Variants in EPHA3 observed in about 807,000 individuals in gnomAD.
EPHA3 encodes ephrin type-A receptor 3.
In EPHA3, 42 loss-of-function variants were observed where a neutral mutation model predicts 107.1. That is an observed-to-expected ratio of 0.39 (90% CI 0.31 to 0.51). The LOEUF (loss-of-function observed/expected upper bound fraction) is 0.51. Ranked by LOEUF, EPHA3 falls within the 20% of genes least tolerant of loss-of-function variation. The pLI is 0.78. For synonymous variants in EPHA3, 461 were observed against 424.8 expected (o/e 1.09, Z -1.05); for missense variants, 1,183 against 1,211.2 (o/e 0.98, Z 0.35).
intron 9 of EPHA3, 81 bp from the exon 10 acceptor site, chr3:89,413,060 C>T (rs1198668588): frequency 1.9e-6 from 3 of 1,573,602 alleles, no homozygotes; most frequent in East Asian, 4.5e-5. Context: ...TTTTTTTAAA[C>T]CAATAATGCC....
intron 5 of EPHA3, among the ~76,000 whole-genome samples, chr3:89,379,354 G>A (rs1426982166): frequency 6.6e-6 from 1 of 152,140 alleles, no homozygotes; most frequent in Non-Finnish European, 1.5e-5. Flanking sequence ...GTCTCTGCTG[G>A]TGTTCACTTT....
chr3:89,274,463 AT>A (rs545079017), intron 3 of EPHA3, among the ~76,000 whole-genome samples: 6 of 151,998 alleles, frequency 3.9e-5, no homozygotes, highest in African/African-American at 2.4e-5. Flanking sequence ...AGGGAAATTT[AT>A]TTAAGTGTAA....
At chr3:89,214,205 A>T (rs1704173250) in intron 3 of EPHA3, among the ~76,000 whole-genome samples, 1 of 151,954 alleles carries the variant, frequency 6.6e-6, no homozygotes, top group Non-Finnish European at 1.5e-5. Context: ...TGGGCTTAGG[A>T]GTCCTAGGAA....
chr3:89,144,349 A>G (rs1704491246), intron 2 of EPHA3, among the ~76,000 whole-genome samples: 1 of 151,652 alleles, frequency 6.6e-6, no homozygotes, highest in Non-Finnish European at 1.5e-5. Flanking sequence ...ATCTTTTCAC[A>G]TATGATGCTG....
In EPHA3 at chr3:89,120,741, G is replaced by A. The variant is rs180696919; in HGVS notation, c.89-6468G>A. 2.6e-5 allele frequency among the ~76,000 whole-genome samples: 4 copies of A among 152,196 alleles called. No homozygotes were observed. The East Asian group carries it at 7.7e-4, about 29-fold the overall frequency. On this transcript the variant is annotated intron_variant, in intron 1 of 16. Transcript: ENST00000336596. ...TTCCAAGGAGTTCCCCCTACTGTTG[G>A]CAAAGATTGAGATGAGACAGCTAAT...
chr3:89,399,606 C>T lies in EPHA3; in HGVS notation c.1594+126C>T, dbSNP rs534396326. 4.8e-4 allele frequency: 678 copies of T among 1,417,884 alleles called. 7 individuals are homozygous for T. In the South Asian group the frequency reaches 0.01, roughly 21 times the overall value. 87.8% of individuals were successfully genotyped at this position (1,417,884 alleles called of 1,614,324 possible). Reference sequence around the variant, plus strand: ...TACATTTAAGGTATATTGCTTGGGACATTGCAATTTGCAGAGCCCTGTGTC... The same window carrying T: ...TACATTTAAGGTATATTGCTTGGGATATTGCAATTTGCAGAGCCCTGTGTC... On this transcript the variant is annotated intron_variant, in intron 7 of 16. Transcript: ENST00000336596.
At chr3:89,458,305 C>T (rs1173675420) in intron 15 of EPHA3, among the ~76,000 whole-genome samples, 3 of 151,952 alleles carry the variant, frequency 2.0e-5, no homozygotes, top group African/African-American at 7.3e-5. Context: ...CTTTGGAGAG[C>T]AGTGCCAGTT....
chr3:89,157,003 G>A (rs533955881), intron 2 of EPHA3, among the ~76,000 whole-genome samples: 83 of 152,064 alleles, frequency 5.5e-4, no homozygotes, highest in Middle Eastern at 6.8e-3. Context: ...AAATGAATCC[G>A]GATAATGTGG....
chr3:89,126,616 A>C (rs1396036885), intron 1 of EPHA3, among the ~76,000 whole-genome samples: 1 of 151,680 alleles, frequency 6.6e-6, no homozygotes, highest in Non-Finnish European at 1.5e-5. Flanking sequence ...ATTATAAAAC[A>C]TAGTTTTACT....
intron 3 of EPHA3, among the ~76,000 whole-genome samples, chr3:89,316,111 T>C (rs1053779222): frequency 1.3e-5 from 2 of 151,662 alleles, no homozygotes; most frequent in Non-Finnish European, 2.9e-5. Flanking sequence ...TGGGACAGAA[T>C]ATGAAAAAGA....
intron 7 of EPHA3, among the ~76,000 whole-genome samples, chr3:89,400,531 C>T (rs1332990073): frequency 1.3e-5 from 2 of 151,948 alleles, no homozygotes; most frequent in Admixed American, 6.6e-5. Flanking sequence ...CCACCTCGCC[C>T]GGCTGTTTAA....
intron 16 of EPHA3, among the ~76,000 whole-genome samples, chr3:89,475,478 C>T (rs1450157004): frequency 1.3e-5 from 2 of 152,198 alleles, no homozygotes; most frequent in African/African-American, 2.4e-5. Flanking sequence ...TTAGAGATTT[C>T]ATTGACATGC....
At chr3:89,445,963 G>A (rs1709869795) in intron 13 of EPHA3, among the ~76,000 whole-genome samples, 1 of 152,118 alleles carries the variant, frequency 6.6e-6, no homozygotes, top group Admixed American at 6.5e-5. Context: ...GTTTAAAGTT[G>A]TCATTCTAAC....
At chr3:89,183,117 A>G (rs1275289548) in intron 2 of EPHA3, among the ~76,000 whole-genome samples, 1 of 151,992 alleles carries the variant, frequency 6.6e-6, no homozygotes, top group Non-Finnish European at 1.5e-5. Context: ...AAAACTTTTG[A>G]TGATGTACTC....
chr3:89,328,327 A>G (rs1453196656), intron 3 of EPHA3, among the ~76,000 whole-genome samples: 1 of 152,110 alleles, frequency 6.6e-6, no homozygotes, highest in East Asian at 1.9e-4. Flanking sequence ...CAGCCCACAA[A>G]TACCTTTTCA....
At chr3:89,223,833 A>G (rs1704439774) in intron 3 of EPHA3, among the ~76,000 whole-genome samples, 1 of 152,266 alleles carries the variant, frequency 6.6e-6, no homozygotes, top group African/African-American at 2.4e-5. Flanking sequence ...AAGTACTAAA[A>G]TATGGTTAGT....
chr3:89,173,104 C>T (rs1454292260), intron 2 of EPHA3, among the ~76,000 whole-genome samples: 1 of 151,950 alleles, frequency 6.6e-6, no homozygotes, highest in Non-Finnish European at 1.5e-5. Flanking sequence ...AATGTATCCA[C>T]CAAAAAAGAT....
chr3:89,259,489 C>T (rs1705366040), intron 3 of EPHA3, among the ~76,000 whole-genome samples: 5 of 152,184 alleles, frequency 3.3e-5, no homozygotes, highest in Admixed American at 3.3e-4. Flanking sequence ...GAAATGTCTG[C>T]ACTGGAAGTT....
rs1704254267 is a variant in EPHA3, at chr3:89,133,772, A to G, written c.153+6499A>G. The stretch of plus-strand genomic sequence containing the variant: ...GCCTCTCATCAATTTGCTGAGCATA[A>G]TCTTTGAAGTAATGGCTTCACCGGG... On this transcript the variant is annotated intron_variant, in intron 2 of 16. Coordinates refer to ENST00000336596, the MANE Select transcript of EPHA3 (RefSeq NM_005233.6). Among the ~76,000 whole-genome samples, 4 of 152,258 alleles carry G rather than the reference A, an allele frequency of 2.6e-5. No homozygotes were observed. In the South Asian group the frequency reaches 8.3e-4, roughly 32 times the overall value.
Sources: allele counts gnomAD v4.1 joint callset (sites outside exome capture counted in the v4.1 genomes callset), GRCh38; gene constraint gnomAD v4.1.1; transcripts MANE v1.5; gene names NCBI Gene and HGNC (gene_info 2026-07-23, HGNC 2026-07-21).